The following DACH1 variants were observed in gnomAD, a reference collection of about 807,000 sequenced individuals.
DACH1 encodes dachshund family transcription factor 1, also known as dachshund homolog 1.
DACH1 carries 12 observed loss-of-function variants against 54.2 expected under a neutral mutation model. The observed-to-expected ratio is 0.22, with a 90% confidence interval of 0.14 to 0.36. DACH1 has a LOEUF of 0.36. DACH1 is among the 10% of genes least tolerant of loss of function. The pLI is 1.00. For synonymous variants in DACH1, 386 were observed against 366.2 expected (o/e 1.05, Z -0.62); for missense variants, 805 against 929.8 (o/e 0.87, Z 1.75).
Position 71,866,416 on chromosome 13 carries a change from G to GCCGCCA in DACH1, c.353_354insTGGCGG (p.Gly120_Gly121dup). 1 of 1,425,978 alleles carries GCCGCCA rather than the reference G, an allele frequency of 7.0e-7. No homozygotes were observed. Among genetic ancestry groups the GCCGCCA allele is most frequent in the Non-Finnish European group, 9.2e-7 (1 of 1,083,530 alleles). 88.3% of individuals were successfully genotyped at this position (1,425,978 alleles called of 1,614,324 possible). A position where few individuals can be genotyped will look rare whatever the true frequency, so the allele number is the denominator to read the frequency against. On this transcript the variant is annotated inframe_insertion, in exon 1 of 11. Coordinates refer to ENST00000613252, the MANE Select transcript of DACH1 (RefSeq NM_080759.6). ...CGCCGCCAGCGCTGATGCCGCCGCC[G>GCCGCCA]CCGCCGCCGCTGCCGTTGCTCGCGG... is the stretch of plus-strand genomic sequence containing the variant.
chr13:71,493,882 T>C (rs1253737711), intron 6 of DACH1, among the ~76,000 whole-genome samples: 1 of 152,180 alleles, frequency 6.6e-6, no homozygotes, highest in African/African-American at 2.4e-5. Context: ...ATGTAATATC[T>C]GAAAAAGAAT....
At chr13:71,517,033 C>G (rs772393972) in intron 6 of DACH1, among the ~76,000 whole-genome samples, 2 of 151,446 alleles carry the variant, frequency 1.3e-5, no homozygotes, top group Non-Finnish European at 3.0e-5. Context: ...TCTTTATAAG[C>G]GTAAGTTTTC....
chr13:71,673,798 T>C (rs570890281), intron 2 of DACH1, among the ~76,000 whole-genome samples: 1 of 152,294 alleles, frequency 6.6e-6, no homozygotes, highest in Non-Finnish European at 1.5e-5. Flanking sequence ...TACTATGTTA[T>C]TTCTATAAAT....
intron 10 of DACH1, among the ~76,000 whole-genome samples, chr13:71,469,363 A>G (rs922529808): frequency 2.6e-5 from 4 of 152,188 alleles, no homozygotes; most frequent in Non-Finnish European, 4.4e-5. Context: ...TAAGAAAAAA[A>G]AAAGCTTGCT....
At chr13:71,654,458 GTAAAATAAAATAAAATAAAA>G (rs58963611) in intron 2 of DACH1, among the ~76,000 whole-genome samples, 1,908 of 71,214 alleles carry the variant, frequency 0.027, 78 homozygotes, top group African/African-American at 0.054. Context: ...ATAAAATAAA[GTAAAATAAAATAAAATAAAA>G]TAAAATAAAA....
intron 10 of DACH1, among the ~76,000 whole-genome samples, chr13:71,442,792 A>T (rs1218298474): frequency 6.6e-6 from 1 of 152,054 alleles, no homozygotes; most frequent in Non-Finnish European, 1.5e-5. Context: ...TTATAGCTAC[A>T]TGGATAATAA....
chr13:71,532,631 AG>A (rs1374487421), intron 6 of DACH1, among the ~76,000 whole-genome samples: 2 of 152,018 alleles, frequency 1.3e-5, no homozygotes, highest in Non-Finnish European at 2.9e-5. Context: ...ACATGTTTAA[AG>A]GATCCTGGTA....
chr13:71,598,973 A>G (rs941711519), intron 3 of DACH1, among the ~76,000 whole-genome samples: 2 of 152,116 alleles, frequency 1.3e-5, no homozygotes, highest in Admixed American at 6.5e-5. Flanking sequence ...TAACTTTTTT[A>G]AAGTGTCTAG....
intron 1 of DACH1, among the ~76,000 whole-genome samples, chr13:71,770,493 C>T (rs915760761): frequency 3.3e-5 from 5 of 151,430 alleles, no homozygotes; most frequent in African/African-American, 9.7e-5. Context: ...TCACATGCCC[C>T]GTAATCCAGT....
rs895612482 is a variant in DACH1 at position 71,638,094 on chromosome 13, T to C, written c.965-7377A>G. Among the ~76,000 whole-genome samples, 4 of 152,344 alleles carry C rather than the reference T, an allele frequency of 2.6e-5. No homozygotes were observed. In the East Asian group the frequency reaches 5.8e-4, roughly 22 times the overall value. ...TTACGTATTCAAACTTTCCATATGATAGACTTGTTATTAGTTTGTGTTAGT... is the reference window on the plus strand; with the variant it reads ...TTACGTATTCAAACTTTCCATATGACAGACTTGTTATTAGTTTGTGTTAGT... On this transcript the variant is annotated intron_variant, in intron 2 of 10. Transcript: ENST00000613252.
At chr13:71,475,356 G>A (rs1351198566) in intron 9 of DACH1, 147 bp from the exon 10 acceptor site, 34 of 734,810 alleles carry the variant, frequency 4.6e-5, no homozygotes, top group South Asian at 3.6e-4. Context: ...AACTGTAACC[G>A]TAAGAATTTT....
At chr13:71,681,726 G>T in intron 2 of DACH1, 69 bp downstream of exon 2, 2 of 1,075,242 alleles carry the variant, frequency 1.9e-6, no homozygotes, top group Non-Finnish European at 2.8e-6. Flanking sequence ...TGTCACCACA[G>T]ATATATATAA....
chr13:71,762,792 A>AAAAAT (rs1885459082), intron 1 of DACH1, among the ~76,000 whole-genome samples: 1 of 146,982 alleles, frequency 6.8e-6, no homozygotes. Context: ...AAAAAAAAAA[A>AAAAAT]GAATGTACAT....
intron 2 of DACH1, among the ~76,000 whole-genome samples, chr13:71,681,181 A>G (rs1295802438): frequency 6.6e-6 from 1 of 152,184 alleles, no homozygotes; most frequent in African/African-American, 2.4e-5. Context: ...CAGGGGGTAG[A>G]AATCAAACGA....
intron 3 of DACH1, among the ~76,000 whole-genome samples, chr13:71,619,984 T>A (rs910608430): frequency 6.6e-6 from 1 of 152,064 alleles, no homozygotes; most frequent in East Asian, 1.9e-4. Flanking sequence ...AAACTAAACA[T>A]GTGCCTGTGT....
At chr13:71,865,611 C>G (rs932441692) in intron 1 of DACH1, among the ~76,000 whole-genome samples, 6 of 152,144 alleles carry the variant, frequency 3.9e-5, no homozygotes, top group Non-Finnish European at 5.9e-5. Flanking sequence ...GCAAAGGCGC[C>G]GTCCTCCTCC....
At chr13:71,556,743 C>T (rs946748973) in intron 6 of DACH1, among the ~76,000 whole-genome samples, 51 of 151,536 alleles carry the variant, frequency 3.4e-4, no homozygotes, top group African/African-American at 1.1e-3. Flanking sequence ...AAATAGCAGA[C>T]CCTTTAGGAA....
chr13:71,493,557 A>C (rs1879166314), intron 6 of DACH1, among the ~76,000 whole-genome samples: 1 of 152,130 alleles, frequency 6.6e-6, no homozygotes, highest in Non-Finnish European at 1.5e-5. Context: ...GATAACTAAA[A>C]CAGTATGTAA....
At chr13:71,716,607 T>C (rs1882979220) in intron 1 of DACH1, among the ~76,000 whole-genome samples, 1 of 152,248 alleles carries the variant, frequency 6.6e-6, no homozygotes, top group South Asian at 2.1e-4. Flanking sequence ...GCCTTTTACT[T>C]CTATTGTATC....
Sources: allele counts gnomAD v4.1 joint callset (sites outside exome capture counted in the v4.1 genomes callset), GRCh38; gene constraint gnomAD v4.1.1; transcripts MANE v1.5; gene names NCBI Gene and HGNC (gene_info 2026-07-23, HGNC 2026-07-21).